KCNN3: variants seen among roughly 807,000 people sequenced by gnomAD.
KCNN3 encodes the protein potassium calcium-activated channel subfamily N member 3.
KCNN3 carries 16 observed loss-of-function variants against 62.9 expected under a neutral mutation model. That is an observed-to-expected ratio of 0.25 (90% CI 0.17 to 0.39). The LOEUF (loss-of-function observed/expected upper bound fraction) is 0.39. KCNN3 is among the 10% of genes least tolerant of loss of function. KCNN3 has a pLI of 1.00. For synonymous variants in KCNN3, 370 were observed against 389.2 expected (o/e 0.95, Z 0.58); for missense variants, 599 against 949.4 (o/e 0.63, Z 4.85).
rs1699967608 is a variant in KCNN3, at chr1:154,706,464, A to G, written c.*1512T>C. On this transcript the variant is annotated 3_prime_UTR_variant, in exon 8 of 8. Coordinates refer to ENST00000271915, the MANE Select transcript of KCNN3 (RefSeq NM_002249.6). ...AGAAAGTCATGGTTTTCACGTCACA[A>G]ATGTTACGTGTGGTCAGATTATGGA... 6.6e-6 allele frequency: 1 copy of G among 152,224 alleles called. No homozygotes were observed. The highest frequency in any genetic ancestry group is 6.5e-5 in the Admixed American group (1 of 15,286). 9.4% of individuals were successfully genotyped at this position (152,224 alleles called of 1,614,324 possible).
intron 7 of KCNN3, among the ~76,000 whole-genome samples, chr1:154,710,122 C>T (rs1334330181): frequency 2.0e-5 from 3 of 152,204 alleles, no homozygotes; most frequent in Non-Finnish European, 2.9e-5. Context: ...TCCAAGCCCT[C>T]CCAGCTCTGC....
intron 2 of KCNN3, among the ~76,000 whole-genome samples, chr1:154,795,968 G>C (rs1019427900): frequency 3.3e-5 from 5 of 152,182 alleles, no homozygotes; most frequent in African/African-American, 1.2e-4. Flanking sequence ...GGACAAGGAG[G>C]AGCAGCCAAA....
At chr1:154,715,170 G>T (rs1700206892) in intron 5 of KCNN3, among the ~76,000 whole-genome samples, 167 bp from the exon 6 acceptor site, 1 of 152,094 alleles carries the variant, frequency 6.6e-6, no homozygotes, top group Admixed American at 6.6e-5. Context: ...GGGCACGGTG[G>T]CTCCCGCCTG....
At chr1:154,787,809 T>G (rs1649349257) in intron 2 of KCNN3, among the ~76,000 whole-genome samples, 1 of 152,166 alleles carries the variant, frequency 6.6e-6, no homozygotes, top group Non-Finnish European at 1.5e-5. Flanking sequence ...CAGAGTCCCC[T>G]GTCCAAAAAG....
At chr1:154,796,994 C>G (rs1649762457) in intron 2 of KCNN3, among the ~76,000 whole-genome samples, 1 of 152,228 alleles carries the variant, frequency 6.6e-6, no homozygotes, top group South Asian at 2.1e-4. Flanking sequence ...GGGTGATCTG[C>G]TTGGCTTCAT....
chr1:154,737,614 T>G (rs894921864), intron 3 of KCNN3, among the ~76,000 whole-genome samples: 3 of 151,794 alleles, frequency 2.0e-5, no homozygotes, highest in Non-Finnish European at 2.9e-5. Context: ...GGAAAAATCC[T>G]ATAATTAACG....
At chr1:154,825,375 T>A (rs1336211982) in intron 1 of KCNN3, among the ~76,000 whole-genome samples, 1 of 150,456 alleles carries the variant, frequency 6.6e-6, no homozygotes, top group Non-Finnish European at 1.5e-5. Context: ...TTTTTTTTTT[T>A]TTTTTTTTGA....
rs577917439 is a variant in KCNN3, at chr1:154,809,196, C to T, written c.1029+12893G>A. ...GAGTGACCAGGTGTACGGCTTCACC[C>T]GTCCATTTCACAGACTCAACACTCA... On this transcript the variant is annotated intron_variant, in intron 2 of 7. Coordinates refer to ENST00000271915, the MANE Select transcript of KCNN3 (RefSeq NM_002249.6). This position sits in a 1 kb window ranked among gnomAD's most constrained non-coding sequence, Gnocchi z 4.3. Among the ~76,000 whole-genome samples the T allele has an allele frequency of 5.3e-5, 8 of 152,304 alleles. No homozygotes were observed. The East Asian group carries it at 5.8e-4, about 11-fold the overall frequency.
chr1:154,865,407 A>G lies in KCNN3; in HGVS notation c.933+3625T>C, dbSNP rs1436081344. On this transcript the variant is annotated intron_variant, in intron 1 of 7. Coordinates refer to ENST00000271915, the MANE Select transcript of KCNN3 (RefSeq NM_002249.6). ...TCAAGGGTCACCTGGTACCTTTAGG[A>G]GCCCACTGGGGCCATCTCAGGCATC... Among the ~76,000 whole-genome samples, 3 of 151,768 alleles carry G rather than the reference A, an allele frequency of 2.0e-5. No homozygotes were observed. The East Asian group carries it at 5.8e-4, about 29-fold the overall frequency.
At chr1:154,775,329 C>G (rs1648743134) in intron 2 of KCNN3, among the ~76,000 whole-genome samples, 1 of 152,154 alleles carries the variant, frequency 6.6e-6, no homozygotes, top group Non-Finnish European at 1.5e-5. Flanking sequence ...GCAAGGGGAA[C>G]ATTCCAGGCA....
At chr1:154,861,814 T>C (rs183339683) in intron 1 of KCNN3, among the ~76,000 whole-genome samples, 5 of 152,326 alleles carry the variant, frequency 3.3e-5, no homozygotes, top group Non-Finnish European at 7.3e-5. Context: ...TGGAATCAGA[T>C]TGCGAAGCCT....
In KCNN3 at chr1:154,698,962, G is replaced by A. The variant is rs1380923515; in HGVS notation, c.*9014C>T. ...GATGCTGATGTGTGGAGAAAACTGG[G>A]CACTAGACTGAACAAATTTTTAGCT... On this transcript the variant is annotated 3_prime_UTR_variant, in exon 8 of 8. Coordinates refer to ENST00000271915, the MANE Select transcript of KCNN3 (RefSeq NM_002249.6). 2 of 152,134 alleles carry A rather than the reference G, an allele frequency of 1.3e-5. No individual in the cohort carries two copies. Among genetic ancestry groups the A allele is most frequent in the East Asian group, 3.9e-4 (2 of 5,192 alleles). 9.4% of individuals were successfully genotyped at this position (152,134 alleles called of 1,614,324 possible).
At chr1:154,728,885 G>A (rs1700530417) in intron 4 of KCNN3, among the ~76,000 whole-genome samples, 1 of 152,174 alleles carries the variant, frequency 6.6e-6, no homozygotes, top group Admixed American at 6.5e-5. Flanking sequence ...GGTCCATTTT[G>A]GCCCTTTAGA....
At chr1:154,814,057 G>T (rs1202521232) in intron 2 of KCNN3, among the ~76,000 whole-genome samples, 1 of 152,258 alleles carries the variant, frequency 6.6e-6, no homozygotes, top group African/African-American at 2.4e-5. Context: ...GGATCGAGGT[G>T]GGCCTCCCAG....
At chr1:154,728,028 G>A (rs953270133) in intron 4 of KCNN3, among the ~76,000 whole-genome samples, 2 of 152,198 alleles carry the variant, frequency 1.3e-5, no homozygotes, top group Non-Finnish European at 2.9e-5. Flanking sequence ...ATCCCTGAAA[G>A]CTGGGGTCCA....
chr1:154,739,087 T>C (rs566013757), intron 3 of KCNN3, among the ~76,000 whole-genome samples: 1 of 152,302 alleles, frequency 6.6e-6, no homozygotes, highest in East Asian at 1.9e-4. Flanking sequence ...ACATATTACT[T>C]ACAGACATGG....
intron 3 of KCNN3, among the ~76,000 whole-genome samples, chr1:154,747,280 T>A (rs1700958880): frequency 6.6e-6 from 1 of 152,048 alleles, no homozygotes; most frequent in South Asian, 2.1e-4. Context: ...CCAGCTGGTG[T>A]CCCGTCTTCC....
chr1:154,772,558 G>T lies in KCNN3; in HGVS notation c.1030-165C>A, dbSNP rs1363021448. 6.6e-6 allele frequency among the ~76,000 whole-genome samples: 1 copy of T among 152,246 alleles called. No homozygotes were observed. The highest frequency in any genetic ancestry group is 1.5e-5 in the Non-Finnish European group (1 of 68,036). On this transcript the variant is annotated intron_variant, in intron 2 of 7. Transcript: ENST00000271915. This position sits in a 1 kb window ranked among gnomAD's most constrained non-coding sequence, Gnocchi z 5.6. The stretch of plus-strand genomic sequence containing the variant: ...TTGCTATGTGGCAAGAGCCCTGTAT[G>T]TGGAGTAGGGAGAGCTGGATTCAGT...
At chr1:154,859,567 T>C (rs977575329) in intron 1 of KCNN3, 2 of 906,224 alleles carry the variant, frequency 2.2e-6, no homozygotes, top group Admixed American at 1.7e-5. Flanking sequence ...AGCCTCTCCC[T>C]GCCTCCCTGC....
Sources: allele counts gnomAD v4.1 joint callset (sites outside exome capture counted in the v4.1 genomes callset), GRCh38; gene constraint gnomAD v4.1.1; non-coding constraint Gnocchi (gnomAD v3.1); transcripts MANE v1.5; gene names NCBI Gene and HGNC (gene_info 2026-07-23, HGNC 2026-07-21).